Variants in OSBPL9 observed in about 807,000 individuals in gnomAD.
The protein encoded by OSBPL9 is oxysterol-binding protein-related protein 9.
A neutral mutation model predicts 106.6 loss-of-function variants in OSBPL9; 40 were observed. That is an observed-to-expected ratio of 0.38 (90% CI 0.29 to 0.49). The LOEUF (loss-of-function observed/expected upper bound fraction) is 0.49, where lower values mean the gene tolerates loss of function less well. Ranked by LOEUF, OSBPL9 falls within the 20% of genes least tolerant of loss-of-function variation. OSBPL9 has a pLI of 0.97. For missense variants in OSBPL9, 609 were observed against 887.2 expected, an observed-to-expected ratio of 0.69 and a Z score of 3.98; for synonymous variants, 269 against 295.4, an observed-to-expected ratio of 0.91 and a Z score of 0.92.
At chr1:51,664,531 A>C (rs2148745419) in intron 2 of OSBPL9, among the ~76,000 whole-genome samples, 1 of 152,152 alleles carries the variant, frequency 6.6e-6, no homozygotes, top group Admixed American at 6.5e-5. Flanking sequence ...CTCTACAAAA[A>C]ATATAAAAAT....
intron 8 of OSBPL9, chr1:51,752,554 A>G (rs59146623): frequency 0.018 from 8,093 of 455,812 alleles, 184 homozygotes; most frequent in Middle Eastern, 0.073. Flanking sequence ...ATTAGTCTGC[A>G]TGGGCTGCCA....
At chr1:51,780,749 A>T (rs1439212713) in intron 15 of OSBPL9, among the ~76,000 whole-genome samples, 1 of 151,792 alleles carries the variant, frequency 6.6e-6, no homozygotes, top group African/African-American at 2.4e-5. Context: ...TGGGTGACAG[A>T]GCGAGACTCC....
At chr1:51,618,342 C>G (rs972949824) in intron 1 of OSBPL9, among the ~76,000 whole-genome samples, 1 of 152,038 alleles carries the variant, frequency 6.6e-6, no homozygotes, top group African/African-American at 2.4e-5. Context: ...TTTGACTATC[C>G]CCTCCACCCT....
chr1:51,629,901 A>G (rs1645005681), intron 1 of OSBPL9, among the ~76,000 whole-genome samples: 1 of 151,876 alleles, frequency 6.6e-6, no homozygotes, highest in African/African-American at 2.4e-5. Context: ...GTGAGTCAAG[A>G]CTGTGCCACT....
intron 11 of OSBPL9, among the ~76,000 whole-genome samples, chr1:51,763,032 G>A (rs1671854034): frequency 6.6e-6 from 1 of 152,088 alleles, no homozygotes; most frequent in African/African-American, 2.4e-5. Context: ...TTGAGATGGA[G>A]TCTCACTCTG....
At chr1:51,697,845 A>AT (rs1372486195) in intron 3 of OSBPL9, among the ~76,000 whole-genome samples, 1 of 150,516 alleles carries the variant, frequency 6.6e-6, no homozygotes, top group Non-Finnish European at 1.5e-5. Flanking sequence ...TATTGTTTCC[A>AT]TATAAACCAG....
intron 10 of OSBPL9, among the ~76,000 whole-genome samples, chr1:51,761,387 C>G (rs116334368): frequency 6.6e-6 from 1 of 151,578 alleles, no homozygotes; most frequent in Non-Finnish European, 1.5e-5. Context: ...TCTATGTTCT[C>G]GATGGCATAG....
At chr1:51,708,702 G>T (rs1479261633) in intron 3 of OSBPL9, among the ~76,000 whole-genome samples, 4 of 151,726 alleles carry the variant, frequency 2.6e-5, no homozygotes, top group Non-Finnish European at 4.4e-5. Flanking sequence ...TCGTATATTC[G>T]ATTTCTTTTT....
chr1:51,712,088 C>G (rs1460344125), intron 3 of OSBPL9, among the ~76,000 whole-genome samples: 3 of 152,050 alleles, frequency 2.0e-5, no homozygotes, highest in Non-Finnish European at 4.4e-5. Context: ...TTGTAGCGAG[C>G]CGAGATCACG....
intron 1 of OSBPL9, among the ~76,000 whole-genome samples, chr1:51,647,489 T>C (rs1471588362): frequency 6.6e-6 from 1 of 152,238 alleles, no homozygotes; most frequent in African/African-American, 2.4e-5. Context: ...GGTATGTCGT[T>C]AATTCTTTAA....
chr1:51,651,916 A>G, intron 1 of OSBPL9, 75 bp from the exon 2 acceptor site: 2 of 1,196,062 alleles, frequency 1.7e-6, no homozygotes, highest in Admixed American at 1.9e-5. Flanking sequence ...TTGTCCTTTT[A>G]TCCCCAGATG....
the OSBPL9 span, among the ~76,000 whole-genome samples, chr1:51,551,413 T>A: frequency 1.3e-5 from 2 of 152,180 alleles, no homozygotes; most frequent in African/African-American, 4.8e-5. Flanking sequence ...CTTGGCCTCT[T>A]CTGCCTGCTT....
intron 2 of OSBPL9, among the ~76,000 whole-genome samples, chr1:51,602,018 C>CTTTTTTTTTTTTTTTTTTT (rs758760414): frequency 1.6e-4 from 12 of 76,398 alleles, no homozygotes; most frequent in Admixed American, 4.6e-4. Context: ...TCTTGGGGTT[C>CTTTTTTTTTTTTTTTTTTT]TTTTTTTTTT....
At chr1:51,619,121 A>T (rs985727583) in intron 1 of OSBPL9, among the ~76,000 whole-genome samples, 1 of 152,218 alleles carries the variant, frequency 6.6e-6, no homozygotes, top group Non-Finnish European at 1.5e-5. Context: ...TATGAAACCC[A>T]TGGCTTAGAT....
At chr1:51,649,277 T>G (rs566681298) in intron 1 of OSBPL9, among the ~76,000 whole-genome samples, 17 of 152,062 alleles carry the variant, frequency 1.1e-4, no homozygotes, top group Non-Finnish European at 2.5e-4. Flanking sequence ...CAGCTAATTT[T>G]TGTATTTTTA....
the OSBPL9 span, among the ~76,000 whole-genome samples, chr1:51,537,940 T>C: frequency 6.6e-6 from 1 of 152,140 alleles, no homozygotes; most frequent in Non-Finnish European, 1.5e-5. Context: ...ATCTCCCTTT[T>C]CCCACAGTAA....
chr1:51,631,693 T>C (rs1381942321), intron 1 of OSBPL9, among the ~76,000 whole-genome samples: 2 of 152,222 alleles, frequency 1.3e-5, no homozygotes, highest in African/African-American at 4.8e-5. Flanking sequence ...GTGGTCTCTC[T>C]CATTAGATTT....
At chr1:51,584,438 G>T (rs1057363092) in intron 1 of OSBPL9, among the ~76,000 whole-genome samples, 1 of 151,622 alleles carries the variant, frequency 6.6e-6, no homozygotes, top group African/African-American at 2.4e-5. Context: ...GGCCAGGTGC[G>T]GTGGCTCATG....
chr1:51,730,227 G>C, intron 4 of OSBPL9: 1 of 1,129,250 alleles, frequency 8.9e-7, no homozygotes, highest in East Asian at 3.2e-5. Flanking sequence ...CAGTTCCACC[G>C]AGAGGGCATT....
Sources: allele counts gnomAD v4.1 joint callset (sites outside exome capture counted in the v4.1 genomes callset), GRCh38; gene constraint gnomAD v4.1.1; transcripts MANE v1.5; gene names NCBI Gene and HGNC (gene_info 2026-07-23, HGNC 2026-07-21).